The following ENOSF1 variants were observed in gnomAD, a reference collection of about 807,000 sequenced individuals.
ENOSF1 encodes mitochondrial enolase superfamily member 1.
A neutral mutation model predicts 68.2 loss-of-function variants in ENOSF1; 73 were observed. The ratio of observed to expected loss-of-function variants is 1.07; its 90% confidence interval spans 0.89 to 1.30. The LOEUF (loss-of-function observed/expected upper bound fraction) is 1.30, where lower values mean the gene tolerates loss of function less well. Ranked by LOEUF, ENOSF1 falls within the 50% of genes most tolerant of loss-of-function variation. The pLI, the probability that ENOSF1 is intolerant of heterozygous loss-of-function variation, is 0.00. For synonymous variants in ENOSF1, 223 were observed against 210.4 expected (o/e 1.06, Z -0.52); for missense variants, 589 against 554.5 (o/e 1.06, Z -0.62).
intron 1 of ENOSF1, among the ~76,000 whole-genome samples, chr18:711,416 G>A (rs1388197979): frequency 6.6e-6 from 1 of 152,078 alleles, no homozygotes; most frequent in Non-Finnish European, 1.5e-5. Flanking sequence ...GGTCCCCTCC[G>A]TGACCCCATT....
At chr18:668,767 T>C (rs12326481), downstream of ENOSF1, among the ~76,000 whole-genome samples, 16 of 152,066 alleles carry the variant, frequency 1.1e-4, no homozygotes, top group South Asian at 4.2e-4. Flanking sequence ...ATTGTTGAGA[T>C]TGGAAAGGGT....
At position 672,633 on chromosome 18, in the gene ENOSF1, G is replaced by A; in HGVS notation, c.*1672C>T. ...ACACCTGATGAGGCACCAGGCTCCTGATGCTGTGTAATGTCACAAAATACC... is the reference window on the plus strand; with the variant it reads ...ACACCTGATGAGGCACCAGGCTCCTAATGCTGTGTAATGTCACAAAATACC... On this transcript the variant is annotated 3_prime_UTR_variant, in exon 16 of 16. Coordinates refer to ENST00000647584, the MANE Select transcript of ENOSF1 (RefSeq NM_017512.7). 1 of 373,654 alleles carries A rather than the reference G, an allele frequency of 2.7e-6. No individual in the cohort carries two copies. Among genetic ancestry groups the A allele is most frequent in the South Asian group, 9.3e-5 (1 of 10,722 alleles). The allele number at this position is 373,654 out of a possible 1,614,324, so 23.1% of individuals were successfully genotyped here. A position where few individuals can be genotyped will look rare whatever the true frequency, so the allele number is the denominator to read the frequency against.
chr18:686,777 C>A (rs2076647775), intron 9 of ENOSF1: 2 of 152,300 alleles, frequency 1.3e-5, no homozygotes, highest in Non-Finnish European at 2.9e-5. Context: ...AGCAGCCTAC[C>A]CTCCCTGTGC....
At chr18:697,702 GATTGC>G (rs1272007399) in intron 2 of ENOSF1, among the ~76,000 whole-genome samples, 1 of 152,214 alleles carries the variant, frequency 6.6e-6, no homozygotes, top group Non-Finnish European at 1.5e-5. Flanking sequence ...AGTGAGCCGA[GATTGC>G]ACCACTGCAC....
At chr18:703,055 TGAAATATGTA>T (rs1430267271) in intron 2 of ENOSF1, among the ~76,000 whole-genome samples, 1 of 152,182 alleles carries the variant, frequency 6.6e-6, no homozygotes, top group Non-Finnish European at 1.5e-5. Flanking sequence ...GTGAGTCACC[TGAAATATGTA>T]GCAAGGTTAA....
chr18:685,838 C>T, intron 10 of ENOSF1, 83 bp downstream of exon 10: 2 of 1,134,584 alleles, frequency 1.8e-6, no homozygotes, highest in South Asian at 1.3e-5. Flanking sequence ...TTTTAAATTC[C>T]CAATGTTCTT....
chr18:692,703 C>T, intron 5 of ENOSF1: 1 of 990,248 alleles, frequency 1.0e-6, no homozygotes, highest in Non-Finnish European at 1.2e-6. Context: ...ACCTCAGGCA[C>T]ATTTCTGGTG....
At chr18:705,358 A>C (rs1222965222) in intron 2 of ENOSF1, among the ~76,000 whole-genome samples, 3 of 151,970 alleles carry the variant, frequency 2.0e-5, no homozygotes, top group Admixed American at 6.6e-5. Context: ...ACCATGTGTA[A>C]GTATTATGTA....
intron 5 of ENOSF1, chr18:691,699 G>A (rs1416043796): frequency 6.0e-6 from 1 of 168,034 alleles, no homozygotes; most frequent in African/African-American, 2.4e-5. Flanking sequence ...GACCTTTAGG[G>A]CTTTGTTAAA....
chr18:700,003 C>A (rs1287119928), intron 2 of ENOSF1, among the ~76,000 whole-genome samples: 1 of 152,086 alleles, frequency 6.6e-6, no homozygotes, highest in Non-Finnish European at 1.5e-5. Flanking sequence ...TCACTTGAAC[C>A]CAGGAGGTGG....
intron 1 of ENOSF1, among the ~76,000 whole-genome samples, chr18:707,194 T>C (rs902130281): frequency 2.6e-5 from 4 of 152,164 alleles, no homozygotes; most frequent in Non-Finnish European, 5.9e-5. Context: ...TTATTTATTT[T>C]TTAAATAAAA....
At chr18:708,979 G>A (rs1216340929) in intron 1 of ENOSF1, among the ~76,000 whole-genome samples, 1 of 152,186 alleles carries the variant, frequency 6.6e-6, no homozygotes, top group Non-Finnish European at 1.5e-5. Flanking sequence ...AGCCTCAGAT[G>A]AGGGTCAACA....
intron 2 of ENOSF1, among the ~76,000 whole-genome samples, chr18:705,902 G>A (rs562466258): frequency 2.6e-5 from 4 of 152,122 alleles, no homozygotes; most frequent in South Asian, 4.2e-4. Context: ...CTAGCTTCTC[G>A]GGAGGCTGAG....
At chr18:697,394 A>G in intron 2 of ENOSF1, 39 bp from the exon 3 acceptor site, 2 of 1,418,254 alleles carry the variant, frequency 1.4e-6, no homozygotes, top group East Asian at 2.3e-5. Flanking sequence ...ATGCTTCTAT[A>G]CTAGGTCAAG....
chr18:703,422 T>G (rs1010450450), intron 2 of ENOSF1, among the ~76,000 whole-genome samples: 1 of 152,102 alleles, frequency 6.6e-6, no homozygotes, highest in South Asian at 2.1e-4. Flanking sequence ...TTATGCAACC[T>G]TTGGGGGCTG....
At chr18:665,069 A>C in the ENOSF1 span, among the ~76,000 whole-genome samples, 1 of 151,836 alleles carries the variant, frequency 6.6e-6, no homozygotes. Context: ...TTTTCTATTG[A>C]TTGGAATAGT....
At chr18:689,281 A>AT (rs780458597) in intron 8 of ENOSF1, among the ~76,000 whole-genome samples, 1 of 151,770 alleles carries the variant, frequency 6.6e-6, no homozygotes, top group South Asian at 2.1e-4. Flanking sequence ...ATCCAAAATA[A>AT]TTTTTTTGTT....
At chr18:700,246 G>T (rs797006488) in intron 2 of ENOSF1, among the ~76,000 whole-genome samples, 12 of 152,266 alleles carry the variant, frequency 7.9e-5, no homozygotes, top group Non-Finnish European at 1.6e-4. Flanking sequence ...AATCATTCTG[G>T]TTCAGACATT....
At position 692,723 on chromosome 18, in the gene ENOSF1, T is replaced by C; in HGVS notation, c.423+1159A>G. The C allele has an allele frequency of 3.0e-6, 3 of 990,636 alleles. 1 individual carries two copies. Among genetic ancestry groups the C allele is most frequent in the Middle Eastern group, 1.0e-3 (2 of 1,932 alleles). The allele number at this position is 990,636 out of a possible 1,614,324, so 61.4% of individuals were successfully genotyped here. On this transcript the variant is annotated intron_variant, in intron 5 of 15. Transcript: ENST00000647584. Reference sequence around the variant, plus strand: ...AGGCACATTTCTGGTGGCCTGCAAATCATTCCCTTTTGGTGGCTACCTCCT... The same window carrying C: ...AGGCACATTTCTGGTGGCCTGCAAACCATTCCCTTTTGGTGGCTACCTCCT...
Sources: gnomAD v4.1 joint callset for allele counts (sites outside exome capture counted in the v4.1 genomes callset) on GRCh38, gnomAD v4.1.1 for gene constraint, MANE v1.5 for transcripts, NCBI Gene and HGNC (gene_info 2026-07-23, HGNC 2026-07-21) for gene names.